MRC1: variants seen among roughly 807,000 people sequenced by gnomAD.
MRC1 encodes the protein macrophage mannose receptor 1.
Under a neutral mutation model 102.9 loss-of-function variants are expected in MRC1, and 62 were observed. The ratio of observed to expected loss-of-function variants is 0.60; its 90% confidence interval spans 0.49 to 0.74. The LOEUF (loss-of-function observed/expected upper bound fraction) is 0.74. Among genes scored for constraint, MRC1 ranks in the 30% least tolerant of loss-of-function variants. MRC1 has a pLI of 0.00. For synonymous variants in MRC1, 457 were observed against 298.4 expected (o/e 1.53, Z -5.48); for missense variants, 1,237 against 862.8 (o/e 1.43, Z -5.43).
intron 11 of MRC1, among the ~76,000 whole-genome samples, chr10:17,864,398 G>A (rs1023238523): frequency 6.6e-6 from 1 of 152,114 alleles, no homozygotes; most frequent in African/African-American, 2.4e-5. Flanking sequence ...GTTGGGTGGG[G>A]CAGCAAAGGA....
chr10:17,813,724 G>T (rs942084666), intron 1 of MRC1, among the ~76,000 whole-genome samples: 2,474 of 142,286 alleles, frequency 0.017, 80 homozygotes, highest in African/African-American at 0.062. Context: ...TTGAGACAGG[G>T]TCTCACTCTG....
In MRC1 at chr10:17,845,285, G is replaced by T. The variant is rs782061810; in HGVS notation, c.917-4G>T. 3 of 780,606 alleles carry T rather than the reference G, an allele frequency of 3.8e-6. No homozygotes were observed. The African/African-American group carries it at 5.1e-5, about 13-fold the overall frequency. The allele number at this position is 780,606 out of a possible 1,614,324, so 48.4% of individuals were successfully genotyped here. A position where few individuals can be genotyped will look rare whatever the true frequency, so the allele number is the denominator to read the frequency against. ...TCCACTTTAACTTTTCCTTTTCCTC[G>T]AAGGAAGTCCATCAGCTGAACCTGG... On this transcript the variant is annotated splice_region_variant and splice_polypyrimidine_tract_variant and intron_variant, in intron 5 of 29. Coordinates refer to ENST00000569591, the MANE Select transcript of MRC1 (RefSeq NM_002438.4).
intron 27 of MRC1, among the ~76,000 whole-genome samples, chr10:17,907,321 G>T (rs1833908947): frequency 6.6e-6 from 1 of 152,182 alleles, no homozygotes; most frequent in Non-Finnish European, 1.5e-5. Flanking sequence ...TAGAAATACG[G>T]TTTTAACTAA....
intron 22 of MRC1, among the ~76,000 whole-genome samples, chr10:17,893,417 A>G (rs1404852848): frequency 1.3e-5 from 2 of 152,174 alleles, no homozygotes; most frequent in Non-Finnish European, 2.9e-5. Context: ...TTGGCCTCTC[A>G]AAGTGCTGGG....
intron 23 of MRC1, among the ~76,000 whole-genome samples, chr10:17,896,331 A>G (rs1157787678): frequency 6.6e-6 from 1 of 152,144 alleles, no homozygotes; most frequent in African/African-American, 2.4e-5. Flanking sequence ...ACCTTTCTCA[A>G]TCCAAAAGCC....
Position 17,875,174 on chromosome 10 carries a change from C to A in MRC1, c.2471C>A (p.Ala824Glu). ...AAAGAGAAGGAAACCATGGACAATG[C>A]GCGAGCGTTTTGCAAGAGGAATTTT... is the stretch of plus-strand genomic sequence containing the variant. ...FSKEKETMDN[A>E]RAFCKRNFGD... is the part of the protein sequence containing the mutation. Residue 824 changes from alanine to glutamate, a missense_variant, in exon 17 of 30, where the codon GCG (alanine) becomes GAG (glutamate). Coordinates refer to ENST00000569591, the MANE Select transcript of MRC1 (RefSeq NM_002438.4). 1.3e-6 allele frequency: 1 copy of A among 780,810 alleles called. No homozygotes were observed. Among genetic ancestry groups the A allele is most frequent in the South Asian group, 1.3e-5 (1 of 74,604 alleles). The allele number at this position is 780,810 out of a possible 1,614,324, so 48.4% of individuals were successfully genotyped here.
intron 18 of MRC1, 57 bp downstream of exon 18, chr10:17,878,024 A>T: frequency 4.7e-6 from 4 of 846,560 alleles, no homozygotes; most frequent in Non-Finnish European, 8.3e-6. Flanking sequence ...ACCAATACCT[A>T]TGAGTTATTT....
chr10:17,910,232 G>A lies in MRC1; in HGVS notation c.4138G>A (p.Asp1380Asn). ...LTTKADTRKM[D>N]PSKPSSNVAG... ...ATTTATAGCTGACACAAGGAAGATG[G>A]ACCCTTCTAAACCGTCTTCCAACGT... The change falls in exon 30 of 30, where the codon GAC (aspartate) becomes AAC (asparagine). Residue 1380 changes from aspartate to asparagine, a missense_variant. Asp to Asn is a conservative substitution (Grantham distance 23). Transcript: ENST00000569591. 1.3e-6 allele frequency: 1 copy of A among 780,864 alleles called. No homozygotes were observed. The highest frequency in any genetic ancestry group is 1.7e-5 in the Admixed American group (1 of 59,030). 48.4% of individuals were successfully genotyped at this position (780,864 alleles called of 1,614,324 possible). A position where few individuals can be genotyped will look rare whatever the true frequency, so the allele number is the denominator to read the frequency against.
At chr10:17,875,286 T>C in intron 17 of MRC1, 33 bp downstream of exon 17, 2 of 778,484 alleles carry the variant, frequency 2.6e-6, no homozygotes, top group Non-Finnish European at 4.8e-6. Flanking sequence ...AAAATTTTAA[T>C]AGTTTTTGGG....
chr10:17,821,712 G>A (rs1353942888), intron 1 of MRC1, among the ~76,000 whole-genome samples: 1 of 152,132 alleles, frequency 6.6e-6, no homozygotes, highest in Non-Finnish European at 1.5e-5. Flanking sequence ...TCCCTGGGGT[G>A]TTCAGAACAG....
At chr10:17,813,339 C>G (rs1352080046) in intron 1 of MRC1, among the ~76,000 whole-genome samples, 1 of 152,120 alleles carries the variant, frequency 6.6e-6, no homozygotes, top group Non-Finnish European at 1.5e-5. Flanking sequence ...ATGGTATAAT[C>G]CTGATACTCC....
intron 2 of MRC1, among the ~76,000 whole-genome samples, chr10:17,827,261 T>C (rs10508549): frequency 0.13 from 18,987 of 150,980 alleles, 1,661 homozygotes; most frequent in African/African-American, 0.25. Context: ...CGTTTGAAAA[T>C]GTCCCAAAAC....
At chr10:17,876,317 G>A (rs905795890) in intron 17 of MRC1, among the ~76,000 whole-genome samples, 5 of 150,058 alleles carry the variant, frequency 3.3e-5, no homozygotes, top group Admixed American at 6.7e-5. Flanking sequence ...GTGTGACCTC[G>A]GCTCACTGCA....
intron 3 of MRC1, among the ~76,000 whole-genome samples, chr10:17,832,766 T>C (rs2130610967): frequency 6.6e-6 from 1 of 151,514 alleles, no homozygotes; most frequent in African/African-American, 2.4e-5. Context: ...TTTTTTTGTA[T>C]TTTTAATAGA....
chr10:17,895,234 AAAAAT>A (rs1157440139), intron 23 of MRC1, among the ~76,000 whole-genome samples: 3 of 152,080 alleles, frequency 2.0e-5, no homozygotes, highest in Admixed American at 1.3e-4. Context: ...AAACAAAAAC[AAAAAT>A]AAAATAAAAT....
chr10:17,870,978 G>A lies in MRC1; in HGVS notation c.2199+43G>A, dbSNP rs1283524264. The A allele has an allele frequency of 5.9e-6, 5 of 853,072 alleles. No individual in the cohort carries two copies. The African/African-American group carries it at 8.3e-5, about 14-fold the overall frequency. The allele number at this position is 853,072 out of a possible 1,614,324, so 52.8% of individuals were successfully genotyped here. A position where few individuals can be genotyped will look rare whatever the true frequency, so the allele number is the denominator to read the frequency against. On this transcript the variant is annotated intron_variant, in intron 14 of 29. Transcript: ENST00000569591. Reference sequence around the variant, plus strand: ...CTATATAACTTTCTTACTTTATCGTGTATTTATTTTGATGTTGTCTTTTTT... The same window carrying A: ...CTATATAACTTTCTTACTTTATCGTATATTTATTTTGATGTTGTCTTTTTT...
intron 11 of MRC1, 27 bp from the exon 12 acceptor site, chr10:17,866,535 G>T (rs1450879053): frequency 1.3e-6 from 1 of 780,726 alleles, no homozygotes; most frequent in African/African-American, 1.7e-5. Flanking sequence ...CCTGTCAAGT[G>T]AATTCTACTT....
chr10:17,840,802 A>G lies in MRC1; in HGVS notation c.912A>G (p.Leu304=). The G allele has an allele frequency of 1.3e-6, 1 of 780,840 alleles. No individual in the cohort carries two copies. The highest frequency in any genetic ancestry group is 2.4e-6 in the Non-Finnish European group (1 of 417,942). 48.4% of individuals were successfully genotyped at this position (780,840 alleles called of 1,614,324 possible). The change falls in exon 5 of 30, where the codon TTA becomes TTG. Residue 304 remains leucine, a synonymous_variant. Transcript: ENST00000569591. The stretch of plus-strand genomic sequence containing the variant: ...GTCCTTTCCGATATTTGAACTGGTT[A>G]CCAGGTAGGGTTAAGCCTGTTTGTG... The part of the protein sequence containing the change: ...DRSPFRYLNW[L]PGSPSAEPGK...
At chr10:17,833,597 A>G (rs1838615142) in intron 3 of MRC1, 78 bp from the exon 4 acceptor site, 1 of 777,316 alleles carries the variant, frequency 1.3e-6, no homozygotes, top group Admixed American at 1.7e-5. Flanking sequence ...AAATGCTCCT[A>G]GGTGGTTTAA....
Sources: gnomAD v4.1 joint callset for allele counts (sites outside exome capture counted in the v4.1 genomes callset) on GRCh38, gnomAD v4.1.1 for gene constraint, MANE v1.5 for transcripts, NCBI Gene and HGNC (gene_info 2026-07-23, HGNC 2026-07-21) for gene names.